GLP2R: variants seen among roughly 807,000 people sequenced by gnomAD.
GLP2R encodes glucagon-like peptide 2 receptor.
In GLP2R, 59 loss-of-function variants were observed where a neutral mutation model predicts 68.2. The ratio of observed to expected loss-of-function variants is 0.87; its 90% confidence interval spans 0.70 to 1.07. GLP2R has a LOEUF of 1.07. GLP2R is among the 50% of genes least tolerant of loss of function. The probability of loss-of-function intolerance (pLI) is 0.00; values close to 1 mark genes in which losing one functional copy is unlikely to be tolerated. For missense variants in GLP2R, 548 were observed against 677.4 expected (o/e 0.81, Z 2.12); for synonymous variants, 270 against 265.4 (o/e 1.02, Z -0.17).
intron 1 of GLP2R, among the ~76,000 whole-genome samples, chr17:9,828,567 A>G (rs2066653228): frequency 6.6e-6 from 1 of 152,194 alleles, no homozygotes; most frequent in African/African-American, 2.4e-5. Flanking sequence ...GCCTCTGAGA[A>G]GAGTGTTATT....
At chr17:9,881,082 T>C (rs1029112320) in intron 11 of GLP2R, among the ~76,000 whole-genome samples, 3 of 152,342 alleles carry the variant, frequency 2.0e-5, no homozygotes, top group South Asian at 2.1e-4. Flanking sequence ...AAATTATTTT[T>C]CATGATTCTG....
chr17:9,881,870 G>A (rs7222481), intron 11 of GLP2R, among the ~76,000 whole-genome samples: 8 of 152,018 alleles, frequency 5.3e-5, no homozygotes, highest in South Asian at 2.1e-4. Flanking sequence ...GCACAGCAGC[G>A]CAGGTCTTCA....
chr17:9,842,730 C>A, intron 4 of GLP2R, 114 bp downstream of exon 4: 1 of 1,163,154 alleles, frequency 8.6e-7, no homozygotes, highest in Non-Finnish European at 1.2e-6. Flanking sequence ...TCCAGCGCCT[C>A]TCCCCGGGGA....
At chr17:9,832,440 G>A (rs2066689282) in intron 1 of GLP2R, among the ~76,000 whole-genome samples, 1 of 152,166 alleles carries the variant, frequency 6.6e-6, no homozygotes, top group Admixed American at 6.5e-5. Flanking sequence ...AGCCACGCCT[G>A]TAATTTCACC....
At chr17:9,871,905 A>G (rs2067098012) in intron 10 of GLP2R, among the ~76,000 whole-genome samples, 1 of 151,808 alleles carries the variant, frequency 6.6e-6, no homozygotes, top group African/African-American at 2.4e-5. Context: ...TTGTATTTTT[A>G]GTAGAGACAG....
intron 9 of GLP2R, among the ~76,000 whole-genome samples, chr17:9,867,801 T>C (rs960650138): frequency 1.3e-5 from 2 of 152,166 alleles, no homozygotes; most frequent in African/African-American, 2.4e-5. Flanking sequence ...AAAGCCTGCA[T>C]TTGCTATTGT....
At chr17:9,867,569 G>T (rs188306045) in intron 9 of GLP2R, among the ~76,000 whole-genome samples, 1 of 152,094 alleles carries the variant, frequency 6.6e-6, no homozygotes, top group South Asian at 2.1e-4. Context: ...GAATCATCTC[G>T]GAAACTGGCA....
At chr17:9,865,840 G>A in intron 9 of GLP2R, 1 of 471,182 alleles carries the variant, frequency 2.1e-6, no homozygotes, top group Non-Finnish European at 4.4e-6. Context: ...ACAGGCACTT[G>A]GACTAGAGGA....
At chr17:9,829,552 CT>C (rs545213039) in intron 1 of GLP2R, among the ~76,000 whole-genome samples, 9 of 152,182 alleles carry the variant, frequency 5.9e-5, no homozygotes, top group East Asian at 3.9e-4. Flanking sequence ...AATTATATCA[CT>C]TTTTTTCATA....
chr17:9,846,521 T>C (rs2066840412), intron 4 of GLP2R, among the ~76,000 whole-genome samples: 1 of 152,082 alleles, frequency 6.6e-6, no homozygotes, highest in African/African-American at 2.4e-5. Flanking sequence ...GGGAGGCTGA[T>C]GTGGGAGGAT....
intron 1 of GLP2R, among the ~76,000 whole-genome samples, chr17:9,827,764 C>A (rs1055552731): frequency 1.3e-5 from 2 of 152,008 alleles, no homozygotes; most frequent in African/African-American, 2.4e-5. Context: ...AGTTCAAGTC[C>A]GGCCTGGCCA....
At chr17:9,888,246 AC>A (rs2067260977) in intron 12 of GLP2R, among the ~76,000 whole-genome samples, 1 of 152,156 alleles carries the variant, frequency 6.6e-6, no homozygotes, top group Non-Finnish European at 1.5e-5. Flanking sequence ...GACAGAGGAA[AC>A]AAGCTTGAAC....
At chr17:9,850,499 C>A (rs943885377) in intron 4 of GLP2R, among the ~76,000 whole-genome samples, 1 of 152,108 alleles carries the variant, frequency 6.6e-6, no homozygotes, top group African/African-American at 2.4e-5. Flanking sequence ...CCTTGGAAGT[C>A]ACCTTCAATC....
At chr17:9,844,622 G>T (rs1344891441) in intron 4 of GLP2R, among the ~76,000 whole-genome samples, 1 of 148,176 alleles carries the variant, frequency 6.7e-6, no homozygotes, top group African/African-American at 2.5e-5. Flanking sequence ...GAAGGATACA[G>T]GGAGAGGCCT....
chr17:9,845,499 AG>A (rs2066828865), intron 4 of GLP2R, among the ~76,000 whole-genome samples: 1 of 152,160 alleles, frequency 6.6e-6, no homozygotes, highest in Middle Eastern at 3.2e-3. Context: ...GAGGCTTCAG[AG>A]GGCAATGAAT....
chr17:9,885,752 T>A (rs990414324), intron 11 of GLP2R, among the ~76,000 whole-genome samples: 4 of 149,804 alleles, frequency 2.7e-5, no homozygotes, highest in Admixed American at 2.0e-4. Context: ...AAAAAAGGAG[T>A]CACAAAGTCA....
chr17:9,838,279 C>T (rs961887053), intron 3 of GLP2R, among the ~76,000 whole-genome samples: 9 of 152,202 alleles, frequency 5.9e-5, no homozygotes, highest in Admixed American at 1.3e-4. Context: ...TGAGCTTCCA[C>T]TTCCTCATCT....
chr17:9,836,912 C>T (rs779684068), intron 3 of GLP2R, among the ~76,000 whole-genome samples: 13 of 151,954 alleles, frequency 8.6e-5, no homozygotes, highest in South Asian at 4.2e-4. Flanking sequence ...TGTGGTGGCG[C>T]GATCTCAGCT....
At chr17:9,865,286 C>A (rs544938701) in intron 9 of GLP2R, among the ~76,000 whole-genome samples, 14 of 151,192 alleles carry the variant, frequency 9.3e-5, no homozygotes, top group Admixed American at 4.0e-4. Context: ...ATCCCTTGGT[C>A]TCTGCTCTTC....
Sources: gnomAD v4.1 joint callset for allele counts (sites outside exome capture counted in the v4.1 genomes callset) on GRCh38, gnomAD v4.1.1 for gene constraint, MANE v1.5 for transcripts, NCBI Gene and HGNC (gene_info 2026-07-23, HGNC 2026-07-21) for gene names.